FUBP1: variants seen among roughly 807,000 people sequenced by gnomAD.
FUBP1 encodes the protein far upstream element-binding protein 1.
In FUBP1, 16 loss-of-function variants were observed where a neutral mutation model predicts 94.9. The ratio of observed to expected loss-of-function variants is 0.17; its 90% CI spans 0.11 to 0.26. The LOEUF (loss-of-function observed/expected upper bound fraction) is 0.26, where lower values mean the gene tolerates loss of function less well. Ranked by LOEUF, FUBP1 falls within the 10% of genes least tolerant of loss-of-function variation. The pLI is 1.00. For synonymous variants in FUBP1, 279 were observed against 254.9 expected, an observed-to-expected ratio of 1.09 and a Z score of -0.90; for missense variants, 583 against 808.6, an observed-to-expected ratio of 0.72 and a Z score of 3.38.
rs2102420850 is a variant in FUBP1, at chr1:77,966,889, G to T, written c.410C>A (p.Ala137Asp). The change falls in exon 6 of 20, where the codon GCT (alanine) becomes GAT (aspartate). Residue 137 changes from alanine to aspartate, a missense_variant. Physicochemically the swap from Ala to Asp is moderately radical, Grantham distance 126. Coordinates refer to ENST00000370768, the MANE Select transcript of FUBP1 (RefSeq NM_003902.5). Reference protein sequence around the residue: ...QQESGCKIQIAPDSGGLPERS... With the variant: ...QQESGCKIQIDPDSGGLPERS... ...CCATGAGAATGTAACATTACCAGGA[G>T]CTATCTGTATTTTGCATCCAGATTC... 1 of 1,567,408 alleles carries T rather than the reference G, an allele frequency of 6.4e-7. No individual in the cohort carries two copies. The highest frequency in any genetic ancestry group is 8.8e-7 in the Non-Finnish European group (1 of 1,138,328).
chr1:77,949,411 A>G (rs1464760479), intron 18 of FUBP1, 111 bp from the exon 19 acceptor site: 1 of 866,482 alleles, frequency 1.2e-6, no homozygotes, highest in Admixed American at 2.7e-5. Flanking sequence ...GCCTTTGAAT[A>G]ATCTTGTGTT....
Position 77,947,258 on chromosome 1 carries a change from C to T in FUBP1, c.*1508G>A. The T allele has an allele frequency of 2.5e-5, 7 of 282,562 alleles. No individual in the cohort carries two copies. The highest frequency in any genetic ancestry group is 5.8e-5 in the South Asian group (1 of 17,370). The allele number at this position is 282,562 out of a possible 1,614,324, so 17.5% of individuals were successfully genotyped here. A position where few individuals can be genotyped will look rare whatever the true frequency, so the allele number is the denominator to read the frequency against. Reference sequence around the variant, plus strand: ...GCTAAAGCATATAAAAAATACTTACCCATTAAGCTCACTTTAAAAAAAATA... The same window carrying T: ...GCTAAAGCATATAAAAAATACTTACTCATTAAGCTCACTTTAAAAAAAATA... On this transcript the variant is annotated 3_prime_UTR_variant, in exon 20 of 20. Transcript: ENST00000370768.
chr1:77,952,859 C>T (rs1441558209), intron 18 of FUBP1, among the ~76,000 whole-genome samples: 2 of 152,156 alleles, frequency 1.3e-5, no homozygotes, highest in African/African-American at 4.8e-5. Context: ...CACATGTGGC[C>T]AGGCGCAGTG....
chr1:77,950,801 A>G (rs1322676975), intron 18 of FUBP1, among the ~76,000 whole-genome samples: 2 of 152,162 alleles, frequency 1.3e-5, no homozygotes, highest in African/African-American at 4.8e-5. Flanking sequence ...AACAAGACCA[A>G]TTTCATAGTT....
chr1:77,964,913 G>T lies in FUBP1; in HGVS notation c.692C>A (p.Ala231Asp). The change falls in exon 9 of 20, where the codon GCT becomes GAT. Residue 231 changes from alanine to aspartate, a missense_variant. Coordinates refer to ENST00000370768, the MANE Select transcript of FUBP1 (RefSeq NM_003902.5). The stretch of plus-strand genomic sequence containing the variant: ...TCCTGTAATCCTAAGAGGTTTGTCA[G>T]CACCAGTGTTCTGCGGCCCGTCTTG... ...MIQDGPQNTG[A>D]DKPLRITGDP... 6.2e-7 allele frequency: 1 copy of T among 1,611,882 alleles called. No homozygotes were observed. Among genetic ancestry groups the T allele is most frequent in the Non-Finnish European group, 8.5e-7 (1 of 1,177,992 alleles).
At chr1:77,976,962 C>T (rs930824819) in intron 1 of FUBP1, among the ~76,000 whole-genome samples, 1 of 152,160 alleles carries the variant, frequency 6.6e-6, no homozygotes, top group Non-Finnish European at 1.5e-5. Flanking sequence ...CATGCTGCTT[C>T]TTTTCTTCAC....
chr1:77,965,965 C>A (rs768764182), intron 7 of FUBP1, among the ~76,000 whole-genome samples: 3 of 152,178 alleles, frequency 2.0e-5, no homozygotes, highest in Non-Finnish European at 2.9e-5. Flanking sequence ...TGCAGTGAGC[C>A]GAGATCGTGC....
chr1:77,947,454 G>A lies in FUBP1; in HGVS notation c.*1312C>T, dbSNP rs1288761418. 8 of 869,686 alleles carry A rather than the reference G, an allele frequency of 9.2e-6. No homozygotes were observed. In the East Asian group the frequency reaches 2.0e-4, roughly 22 times the overall value. 53.9% of individuals were successfully genotyped at this position (869,686 alleles called of 1,614,324 possible). ...AATTTGTCATTCTGATGTACTTACA[G>A]TGCAATGCTCCTTGAAGGAACACAA... On this transcript the variant is annotated 3_prime_UTR_variant, in exon 20 of 20. Transcript: ENST00000370768.
chr1:77,962,458 C>T (rs1024620004), intron 14 of FUBP1, among the ~76,000 whole-genome samples: 4 of 152,086 alleles, frequency 2.6e-5, no homozygotes, highest in African/African-American at 9.7e-5. Context: ...AATGAATTCC[C>T]GTTAACTATG....
chr1:77,970,150 AATT>A (rs1453199253), intron 1 of FUBP1, 135 bp from the exon 2 acceptor site: 11 of 451,804 alleles, frequency 2.4e-5, no homozygotes, highest in Non-Finnish European at 4.3e-5. Context: ...GAAAAATTAA[AATT>A]ATAGTTCAAT....
At chr1:77,973,639 C>T (rs925978287) in intron 1 of FUBP1, among the ~76,000 whole-genome samples, 2 of 152,204 alleles carry the variant, frequency 1.3e-5, no homozygotes, top group African/African-American at 4.8e-5. Flanking sequence ...TTCCTGTTTT[C>T]ACTACTTTAA....
Position 77,960,364 on chromosome 1 carries a change from T to C in FUBP1, c.1476A>G (p.Gly492=). 6.2e-7 allele frequency: 1 copy of C among 1,609,782 alleles called. No homozygotes were observed. Residue 492 remains glycine (G), a synonymous_variant, in exon 15 of 20, where the codon GGA becomes GGG. Coordinates refer to ENST00000370768, the MANE Select transcript of FUBP1 (RefSeq NM_003902.5). ...GPYNPAPYNP[G]PPGPAPHGPP... ...CTTACTGAGGAGCCGGGCCTGGTGGTCCAGGATTATAAGGTGCAGGGTTGT... is the reference window on the plus strand; with the variant it reads ...CTTACTGAGGAGCCGGGCCTGGTGGCCCAGGATTATAAGGTGCAGGGTTGT...
At position 77,970,484 on chromosome 1, in the gene FUBP1, T is replaced by G. The variant is rs147895664; in HGVS notation, c.121-469A>C. 4.8e-3 allele frequency among the ~76,000 whole-genome samples: 738 copies of G among 152,332 alleles called. 6 individuals carry two copies. Among genetic ancestry groups the G allele is most frequent in the African/African-American group, 0.017 (697 of 41,578 alleles). ...TTGCTCTAAGTGTAAAATTACTCAC[T>G]GAATATTGAAAACCTGGAATATAAA... On this transcript the variant is annotated intron_variant, in intron 1 of 19. Coordinates refer to ENST00000370768, the MANE Select transcript of FUBP1 (RefSeq NM_003902.5).
rs1652609852 is a variant in FUBP1 at position 77,948,292 on chromosome 1, A to T, written c.*474T>A. ...GGGGAAAAACATGCCAGTGTTTAAA[A>T]ACTCAATATTTCATGGGGAAAGCTT... On this transcript the variant is annotated 3_prime_UTR_variant, in exon 20 of 20. Coordinates refer to ENST00000370768, the MANE Select transcript of FUBP1 (RefSeq NM_003902.5). 9.5e-7 allele frequency: 1 copy of T among 1,051,822 alleles called. No individual in the cohort carries two copies. The highest frequency in any genetic ancestry group is 4.6e-5 in the South Asian group (1 of 21,816). 65.2% of individuals were successfully genotyped at this position (1,051,822 alleles called of 1,614,324 possible).
At chr1:77,961,767 C>T (rs548082366) in intron 14 of FUBP1, among the ~76,000 whole-genome samples, 5 of 152,180 alleles carry the variant, frequency 3.3e-5, no homozygotes, top group Non-Finnish European at 7.4e-5. Flanking sequence ...TAGGCTAATA[C>T]TGTAAAATAA....
chr1:77,977,096 A>G (rs1322840467), intron 1 of FUBP1, among the ~76,000 whole-genome samples: 1 of 152,232 alleles, frequency 6.6e-6, no homozygotes, highest in Admixed American at 6.5e-5. Flanking sequence ...TTAAATATCC[A>G]TATTTTGTCT....
intron 1 of FUBP1, among the ~76,000 whole-genome samples, chr1:77,975,323 T>C (rs890052357): frequency 6.6e-6 from 1 of 152,130 alleles, no homozygotes; most frequent in Non-Finnish European, 1.5e-5. Context: ...ATACCATAAC[T>C]TGCTTATCAC....
intron 18 of FUBP1, among the ~76,000 whole-genome samples, chr1:77,952,369 T>G (rs1267412882): frequency 7.5e-6 from 1 of 132,554 alleles, no homozygotes; most frequent in Non-Finnish European, 1.7e-5. Context: ...TTTTCAATAG[T>G]TTTTTTTTTT....
At chr1:77,963,057 T>G in intron 13 of FUBP1, 127 bp from the exon 14 acceptor site, 1 of 565,042 alleles carries the variant, frequency 1.8e-6, no homozygotes, top group East Asian at 2.8e-5. Flanking sequence ...ATTGACAATA[T>G]TGTATTAAGA....
Sources: allele counts gnomAD v4.1 joint callset (sites outside exome capture counted in the v4.1 genomes callset), GRCh38; gene constraint gnomAD v4.1.1; transcripts MANE v1.5; gene names NCBI Gene and HGNC (gene_info 2026-07-23, HGNC 2026-07-21).